The following IL1RAPL1 variants were observed in gnomAD, a reference collection of about 807,000 sequenced individuals.
IL1RAPL1 encodes the protein interleukin-1 receptor accessory protein-like 1.
Under a neutral mutation model 48.4 loss-of-function variants are expected in IL1RAPL1, and 3 were observed. The ratio of observed to expected loss-of-function variants is 0.06; its 90% CI spans 0.03 to 0.16. The LOEUF (loss-of-function observed/expected upper bound fraction) is 0.16, where lower values mean the gene tolerates loss of function less well. Ranked by LOEUF, IL1RAPL1 falls within the 10% of genes least tolerant of loss-of-function variation. IL1RAPL1 has a pLI of 1.00. For missense variants in IL1RAPL1, 349 were observed against 530.6 expected, an observed-to-expected ratio of 0.66 and a Z score of 3.36; for synonymous variants, 185 against 187.7, an observed-to-expected ratio of 0.99 and a Z score of 0.12.
intron 3 of IL1RAPL1, among the ~76,000 whole-genome samples, chrX:29,322,253 T>TTC (rs748706158): frequency 1.8e-5 from 2 of 109,192 alleles, no homozygotes; most frequent in African/African-American, 3.3e-5. Context: ...GTCTTTCTCT[T>TTC]TCTCTCTCTC....
intron 2 of IL1RAPL1, among the ~76,000 whole-genome samples, chrX:28,835,163 A>G (rs189456874): frequency 1.1e-3 from 119 of 111,434 alleles, no homozygotes; most frequent in African/African-American, 3.2e-3. Flanking sequence ...TCACGTTAAT[A>G]TCTGGATTTC....
At chrX:28,768,731 C>G (rs770376910) in intron 1 of IL1RAPL1, among the ~76,000 whole-genome samples, 5 of 60,757 alleles carry the variant, frequency 8.2e-5, no homozygotes, top group African/African-American at 3.3e-4. Flanking sequence ...CTCTCTCTGT[C>G]TCTCTCTCTC....
chrX:29,074,640 T>A (rs1927632722), intron 2 of IL1RAPL1, among the ~76,000 whole-genome samples: 1 of 111,485 alleles, frequency 9.0e-6, no homozygotes, highest in South Asian at 3.7e-4. Context: ...ATAATTTACA[T>A]CTGTGTTAGT....
At chrX:29,420,581 T>C (rs914526533) in intron 5 of IL1RAPL1, among the ~76,000 whole-genome samples, 2 of 112,321 alleles carry the variant, frequency 1.8e-5, no homozygotes, top group African/African-American at 6.5e-5. Context: ...CACAGTGATT[T>C]GGCCAATTGG....
At chrX:29,516,361 C>T (rs1312128065) in intron 5 of IL1RAPL1, among the ~76,000 whole-genome samples, 1 of 111,423 alleles carries the variant, frequency 9.0e-6, no homozygotes, top group East Asian at 2.8e-4. Context: ...AAATGAACTC[C>T]TATGTATCAG....
intron 5 of IL1RAPL1, among the ~76,000 whole-genome samples, chrX:29,558,105 A>T (rs955238429): frequency 9.0e-6 from 1 of 110,736 alleles, no homozygotes; most frequent in South Asian, 3.8e-4. Flanking sequence ...TTTTTGAGGA[A>T]CCTCCATTAT....
chrX:29,749,322 G>A (rs1928405194), intron 6 of IL1RAPL1, among the ~76,000 whole-genome samples: 1 of 112,224 alleles, frequency 8.9e-6, no homozygotes, highest in African/African-American at 3.2e-5. Flanking sequence ...TTTTTAAAGT[G>A]TAGTGTGGAA....
At chrX:29,835,307 G>A (rs61397984) in intron 6 of IL1RAPL1, among the ~76,000 whole-genome samples, 1,226 of 111,884 alleles carry the variant, frequency 0.011, 17 homozygotes, top group African/African-American at 0.037. Context: ...TATATACAAT[G>A]TAGCATGGTT....
At chrX:29,367,624 A>T (rs1340777675) in intron 3 of IL1RAPL1, among the ~76,000 whole-genome samples, 3 of 107,675 alleles carry the variant, frequency 2.8e-5, no homozygotes, top group Non-Finnish European at 5.7e-5. Context: ...TCTGTCACCC[A>T]TGCTGGAGTG....
intron 3 of IL1RAPL1, among the ~76,000 whole-genome samples, chrX:29,288,716 T>C (rs908436389): frequency 8.9e-6 from 1 of 112,329 alleles, no homozygotes; most frequent in Non-Finnish European, 1.9e-5. Flanking sequence ...TCTGTTTCTA[T>C]ATCTTTGAGG....
rs189427108 is a variant in IL1RAPL1, at chrX:29,285,769, A to G, written c.362+2552A>G. On this transcript the variant is annotated intron_variant, in intron 3 of 10. Coordinates refer to ENST00000378993, the MANE Select transcript of IL1RAPL1 (RefSeq NM_014271.4). ...CACTGAAATTCAAATATGCCAATCA[A>G]TTTGAAGGGAGTGTTGTTACAGCTT... Among the ~76,000 whole-genome samples the G allele has an allele frequency of 2.2e-4, 25 of 111,318 alleles. No homozygotes were observed. In the East Asian group the frequency reaches 6.0e-3, roughly 27 times the overall value.
At chrX:29,920,176 A>C (rs1460993905) in intron 8 of IL1RAPL1, 82 bp downstream of exon 8, 10 of 1,125,065 alleles carry the variant, frequency 8.9e-6, no homozygotes, top group South Asian at 5.5e-5. Context: ...AAACAAATTT[A>C]GTTTTGTTTT....
intron 5 of IL1RAPL1, among the ~76,000 whole-genome samples, chrX:29,479,971 A>G (rs1480846319): frequency 5.4e-5 from 6 of 110,408 alleles, no homozygotes; most frequent in Admixed American, 9.6e-5. Flanking sequence ...TTGTGCTGCT[A>G]TAAACATGCA....
chrX:28,898,046 G>A (rs775135163), intron 2 of IL1RAPL1, among the ~76,000 whole-genome samples: 1 of 111,303 alleles, frequency 9.0e-6, no homozygotes, highest in East Asian at 2.9e-4. Flanking sequence ...CATTAGTTAA[G>A]GCAGGAACAG....
intron 3 of IL1RAPL1, among the ~76,000 whole-genome samples, chrX:29,354,012 A>T (rs1933269381): frequency 1.8e-5 from 2 of 110,680 alleles, no homozygotes; most frequent in Admixed American, 2.0e-4. Flanking sequence ...ACTCATAAAA[A>T]ATAAGCAAAC....
intron 2 of IL1RAPL1, among the ~76,000 whole-genome samples, chrX:29,074,330 G>A (rs1419135866): frequency 5.4e-5 from 6 of 111,364 alleles, no homozygotes; most frequent in African/African-American, 9.8e-5. Flanking sequence ...TCTAAGCCCT[G>A]GGCATAGCCT....
chrX:29,629,468 T>C (rs1924707501), intron 5 of IL1RAPL1, among the ~76,000 whole-genome samples: 1 of 111,511 alleles, frequency 9.0e-6, no homozygotes, highest in South Asian at 3.7e-4. Context: ...GATTATAAAG[T>C]TTGTATTCCA....
chrX:28,718,936 T>C (rs1935536356), intron 1 of IL1RAPL1, among the ~76,000 whole-genome samples: 1 of 111,589 alleles, frequency 9.0e-6, no homozygotes, highest in African/African-American at 3.2e-5. Context: ...TCAGGAAGTT[T>C]CTTGAAATAA....
intron 3 of IL1RAPL1, among the ~76,000 whole-genome samples, chrX:29,303,581 C>G (rs1452276522): frequency 2.7e-5 from 3 of 111,599 alleles, no homozygotes; most frequent in South Asian, 7.5e-4. Context: ...CTCTTAATCT[C>G]TCAGAGCGTC....
Sources: gnomAD v4.1 joint callset for allele counts (sites outside exome capture counted in the v4.1 genomes callset) on GRCh38, gnomAD v4.1.1 for gene constraint, MANE v1.5 for transcripts, NCBI Gene and HGNC (gene_info 2026-07-23, HGNC 2026-07-21) for gene names.